Variants in ABCG4 observed in about 807,000 individuals in gnomAD.
ABCG4 encodes the protein ATP binding cassette subfamily G member 4.
A neutral mutation model predicts 64.6 loss-of-function variants in ABCG4; 35 were observed. The ratio of observed to expected loss-of-function variants is 0.54; its 90% CI spans 0.41 to 0.72. The LOEUF is 0.72. Ranked by LOEUF, ABCG4 falls within the 30% of genes least tolerant of loss-of-function variation. ABCG4 has a pLI of 0.00. For synonymous variants in ABCG4, 326 were observed against 348.2 expected (o/e 0.94, Z 0.71); for missense variants, 610 against 846.3 (o/e 0.72, Z 3.46).
In ABCG4 at chr11:119,160,856, C is replaced by T; in HGVS notation, c.1716-25C>T. 1 of 1,605,960 alleles carries T rather than the reference C, an allele frequency of 6.2e-7. No individual in the cohort carries two copies. The highest frequency in any genetic ancestry group is 8.5e-7 in the Non-Finnish European group (1 of 1,174,026). On this transcript the variant is annotated intron_variant, in intron 14 of 14. Transcript: ENST00000619701. The surrounding 1 kb of genome is among the most constrained non-coding windows in gnomAD (Gnocchi z 4.6). ...GAGCAGGGACCCTGTGTGCTGTATC[C>T]CATCTGATATCCCTGCCTGCCTAGG...
Position 119,149,920 on chromosome 11 carries a change from T to C in ABCG4, c.-12-34T>C, listed in dbSNP as rs767408403. 5 of 1,574,624 alleles carry C rather than the reference T, an allele frequency of 3.2e-6. No homozygotes were observed. The African/African-American group carries it at 4.1e-5, about 13-fold the overall frequency. On this transcript the variant is annotated intron_variant, in intron 1 of 14. Transcript: ENST00000619701. This position sits in a 1 kb window ranked among gnomAD's most constrained non-coding sequence, Gnocchi z 8.3. Reference sequence around the variant, plus strand: ...GGGAGCTTTGAGCCGGGCTCGGTGGTCTGCCCCAAACTGAGCAGGCCCTCC... The same window carrying C: ...GGGAGCTTTGAGCCGGGCTCGGTGGCCTGCCCCAAACTGAGCAGGCCCTCC...
rs781139493 is a variant in ABCG4, at chr11:119,154,835, TG to T, written c.608del (p.Gly203AlafsTer41). 1.2e-6 allele frequency: 2 copies of T among 1,613,970 alleles called. No homozygotes were observed. The highest frequency in any genetic ancestry group is 1.7e-6 in the Non-Finnish European group (2 of 1,179,922). ...CSHTRTALLSGGQRKRLAIAL... is the reference protein window; with the variant it reads ...CSHTRTALLSXGQRKRLAIAL... The stretch of plus-strand genomic sequence containing the variant: ...CCCACACGAGGACAGCCCTGCTCTC[TG>T]GCGGGCAGAGGAAGCGTCTGGCCAT... On this transcript the variant is annotated frameshift_variant, in exon 6 of 15. Transcript: ENST00000619701. LOFTEE classifies it high-confidence loss of function. This position sits in a 1 kb window ranked among gnomAD's most constrained non-coding sequence, Gnocchi z 7.0.
chr11:119,161,017 A>C lies in ABCG4; in HGVS notation c.1852A>C (p.Met618Leu). 6.2e-7 allele frequency: 1 copy of C among 1,614,028 alleles called. No individual in the cohort carries two copies. The highest frequency in any genetic ancestry group is 8.5e-7 in the Non-Finnish European group (1 of 1,179,964). ...ALDVEDAKLYMDFLVLGIFFL... is the reference protein window; with the variant it reads ...ALDVEDAKLYLDFLVLGIFFL... Reference sequence around the variant, plus strand: ...GGATGTGGAGGATGCCAAGCTCTACATGGACTTCCTGGTCTTGGGCATCTT... The same window carrying C: ...GGATGTGGAGGATGCCAAGCTCTACCTGGACTTCCTGGTCTTGGGCATCTT... Residue 618 changes from methionine to leucine, a missense_variant, in exon 15 of 15, where the codon ATG becomes CTG. Coordinates refer to ENST00000619701, the MANE Select transcript of ABCG4 (RefSeq NM_022169.5).
At position 119,150,480 on chromosome 11, in the gene ABCG4, C is replaced by A. The variant is rs1948181715; in HGVS notation, c.238+277C>A. 1.3e-5 allele frequency among the ~76,000 whole-genome samples: 2 copies of A among 152,152 alleles called. No homozygotes were observed. Among genetic ancestry groups the A allele is most frequent in the Non-Finnish European group, 2.9e-5 (2 of 68,014 alleles). ...CGTGACCTCTGGTCCTTGAGTGGTC[C>A]TTGATGAGTTTTCCTTCTTTTGTTT... On this transcript the variant is annotated intron_variant, in intron 2 of 14. Coordinates refer to ENST00000619701, the MANE Select transcript of ABCG4 (RefSeq NM_022169.5). This position sits in a 1 kb window ranked among gnomAD's most constrained non-coding sequence, Gnocchi z 4.3.
chr11:119,154,201 G>A lies in ABCG4; in HGVS notation c.356+58G>A, dbSNP rs1240490709. 6.2e-7 allele frequency: 1 copy of A among 1,613,092 alleles called. No individual in the cohort carries two copies. Among genetic ancestry groups the A allele is most frequent in the Non-Finnish European group, 8.5e-7 (1 of 1,179,200 alleles). ...GACTCAGGAAGAAGTATCCCTTGGG[G>A]AACACAGAAGGTATTCTGAAAGGGC... On this transcript the variant is annotated intron_variant, in intron 3 of 14. Coordinates refer to ENST00000619701, the MANE Select transcript of ABCG4 (RefSeq NM_022169.5). This position sits in a 1 kb window ranked among gnomAD's most constrained non-coding sequence, Gnocchi z 7.0.
rs75454390 is a variant in ABCG4, at chr11:119,152,473, G to A, written c.239-1553G>A. 6.0e-3 allele frequency among the ~76,000 whole-genome samples: 913 copies of A among 152,172 alleles called. 12 individuals are homozygous for A. The highest frequency in any genetic ancestry group is 0.019 in the African/African-American group (773 of 41,500). On this transcript the variant is annotated intron_variant, in intron 2 of 14. Coordinates refer to ENST00000619701, the MANE Select transcript of ABCG4 (RefSeq NM_022169.5). ...GCCATCCCTTCACTGTCTCCACTAA[G>A]GACACTAAGGAGGTGGAGTGGGGAG...
Position 119,156,221 on chromosome 11 carries a change from T to A in ABCG4, c.687-108T>A. The A allele has an allele frequency of 6.7e-7, 1 of 1,490,886 alleles. No homozygotes were observed. Among genetic ancestry groups the A allele is most frequent in the East Asian group, 2.3e-5 (1 of 44,050 alleles). The allele number at this position is 1,490,886 out of a possible 1,614,324, so 92.4% of individuals were successfully genotyped here. A position where few individuals can be genotyped will look rare whatever the true frequency, so the allele number is the denominator to read the frequency against. ...GGATACAGATGCGGCCAGAGTGCCC[T>A]CTTCCTGCCAGCTTCATCCCCTTCA... On this transcript the variant is annotated intron_variant, in intron 6 of 14. Transcript: ENST00000619701. This position sits in a 1 kb window ranked among gnomAD's most constrained non-coding sequence, Gnocchi z 5.5.
In ABCG4 at chr11:119,154,132, G is replaced by A. The variant is rs1172648808; in HGVS notation, c.345G>A (p.Leu115=). The change falls in exon 3 of 15, where the codon TTG becomes TTA. Residue 115 remains leucine (L), a synonymous_variant. Coordinates refer to ENST00000619701, the MANE Select transcript of ABCG4 (RefSeq NM_022169.5). The surrounding 1 kb of genome is among the most constrained non-coding windows in gnomAD (Gnocchi z 7.0). ...GAGKSTFMNI[L]AGYRESGMKG... ...GCAAGTCTACATTCATGAACATCTT[G>A]GCAGGATACAGGTAAGGAAGAGACT... The A allele has an allele frequency of 1.2e-6, 2 of 1,614,132 alleles. No individual in the cohort carries two copies. Among genetic ancestry groups the A allele is most frequent in the Non-Finnish European group, 1.7e-6 (2 of 1,180,006 alleles).
At chr11:119,151,118 G>A (rs911866797) in intron 2 of ABCG4, among the ~76,000 whole-genome samples, 1 of 152,262 alleles carries the variant, frequency 6.6e-6, no homozygotes, top group Admixed American at 6.5e-5. Flanking sequence ...GGAAACTGAG[G>A]CATCTGGGCT....
At position 119,158,853 on chromosome 11, in the gene ABCG4, T is replaced by C. The variant is rs967325139; in HGVS notation, c.1361T>C (p.Met454Thr). 2 of 1,614,082 alleles carry C rather than the reference T, an allele frequency of 1.2e-6. No homozygotes were observed. Among genetic ancestry groups the C allele is most frequent in the African/African-American group, 1.3e-5 (1 of 74,918 alleles). The part of the protein sequence containing the change: ...LTFPLEMAVF[M>T]REHLNYWYSL... ...GTCCCCTTAGAGATGGCGGTCTTCA[T>C]GAGGGAGCACCTCAACTACTGGTAC... The change falls in exon 12 of 15, where the codon ATG (methionine) becomes ACG (threonine). Residue 454 changes from methionine (M) to threonine (T), a missense_variant. Met to Thr is a moderately conservative substitution (Grantham distance 81). Transcript: ENST00000619701. The surrounding 1 kb of genome is among the most constrained non-coding windows in gnomAD (Gnocchi z 4.5).
At position 119,154,223 on chromosome 11, in the gene ABCG4, G is replaced by C. The variant is rs765593850; in HGVS notation, c.357-37G>C. On this transcript the variant is annotated intron_variant, in intron 3 of 14. Transcript: ENST00000619701. This position sits in a 1 kb window ranked among gnomAD's most constrained non-coding sequence, Gnocchi z 7.0. ...GGGGAACACAGAAGGTATTCTGAAA[G>C]GGCATTGACCCCCATCCTCAACCCA... The C allele has an allele frequency of 1.2e-6, 2 of 1,613,140 alleles. No individual in the cohort carries two copies. The highest frequency in any genetic ancestry group is 1.7e-6 in the Non-Finnish European group (2 of 1,179,134).
intron 2 of ABCG4, among the ~76,000 whole-genome samples, chr11:119,152,111 C>T (rs1274906452): frequency 2.0e-5 from 3 of 152,230 alleles, no homozygotes; most frequent in Non-Finnish European, 4.4e-5. Flanking sequence ...CTGTGAGTGG[C>T]TCTGAAAGGC....
rs776965085 is a variant in ABCG4, at chr11:119,154,892, C to T, written c.663C>T (p.Val221=). The part of the protein sequence containing the change: ...IALELVNNPP[V]MFFDEPTSGL... ...TGGAGCTGGTCAACAACCCGCCTGT[C>T]ATGTTCTTTGATGAGCCCACCAGGT... is the stretch of plus-strand genomic sequence containing the variant. The change falls in exon 6 of 15, where the codon GTC becomes GTT. Residue 221 remains valine (V), a synonymous_variant. Transcript: ENST00000619701. This position sits in a 1 kb window ranked among gnomAD's most constrained non-coding sequence, Gnocchi z 7.0. 2 of 1,613,010 alleles carry T rather than the reference C, an allele frequency of 1.2e-6. No homozygotes were observed. The highest frequency in any genetic ancestry group is 1.7e-6 in the Non-Finnish European group (2 of 1,179,048).
Position 119,154,977 on chromosome 11 carries a change from G to A in ABCG4, c.686+62G>A. The A allele has an allele frequency of 2.6e-6, 4 of 1,548,396 alleles. No individual in the cohort carries two copies. The highest frequency in any genetic ancestry group is 3.5e-6 in the Non-Finnish European group (4 of 1,141,026). On this transcript the variant is annotated intron_variant, in intron 6 of 14. Transcript: ENST00000619701. This position sits in a 1 kb window ranked among gnomAD's most constrained non-coding sequence, Gnocchi z 7.0. ...CTCCTCTCGGCCCTGAGCCAGGGCT[G>A]GAGGCTGCATCTTCTCCATGATCCA...
intron 2 of ABCG4, chr11:119,153,278 T>G (rs1201486642): frequency 6.5e-6 from 1 of 153,420 alleles, no homozygotes; most frequent in Non-Finnish European, 1.5e-5. Flanking sequence ...AGCCAGAATT[T>G]GAACCCAGAT....
intron 12 of ABCG4, among the ~76,000 whole-genome samples, chr11:119,159,915 T>C (rs1948321436): frequency 6.6e-6 from 1 of 151,876 alleles, no homozygotes; most frequent in African/African-American, 2.4e-5. Context: ...GAGAGTTAAT[T>C]ACTTAACAAT....
In ABCG4 at chr11:119,158,128, C is replaced by A. The variant is rs1447188139; in HGVS notation, c.1069-106C>A. 2.3e-6 allele frequency: 2 copies of A among 878,790 alleles called. No homozygotes were observed. Among genetic ancestry groups the A allele is most frequent in the East Asian group, 2.5e-5 (1 of 40,662 alleles). 54.4% of individuals were successfully genotyped at this position (878,790 alleles called of 1,614,324 possible). ...CAAGATTCTCTGTAGACCTGGAGGA[C>A]CCCTACCCTGGGGAAGAGCTCTGAG... On this transcript the variant is annotated intron_variant, in intron 9 of 14. Coordinates refer to ENST00000619701, the MANE Select transcript of ABCG4 (RefSeq NM_022169.5). The surrounding 1 kb of genome is among the most constrained non-coding windows in gnomAD (Gnocchi z 4.5).
Position 119,150,407 on chromosome 11 carries a change from G to T in ABCG4, c.238+204G>T, listed in dbSNP as rs529485397. On this transcript the variant is annotated intron_variant, in intron 2 of 14. Transcript: ENST00000619701. This position sits in a 1 kb window ranked among gnomAD's most constrained non-coding sequence, Gnocchi z 4.3. Reference sequence around the variant, plus strand: ...TCCCCCACACCTGTGAGCACCATGGGATACTAGGTGCAATTGGTTATTGAA... The same window carrying T: ...TCCCCCACACCTGTGAGCACCATGGTATACTAGGTGCAATTGGTTATTGAA... 3.8e-4 allele frequency among the ~76,000 whole-genome samples: 58 copies of T among 152,298 alleles called. No homozygotes were observed. The highest frequency in any genetic ancestry group is 1.4e-3 in the African/African-American group (57 of 41,556).
rs575183692 is a variant in ABCG4 at position 119,159,876 on chromosome 11, T to C, written c.1438-351T>C. On this transcript the variant is annotated intron_variant, in intron 12 of 14. Transcript: ENST00000619701. ...ACCCTGCCCCCTAGGAGTTGGTAGCTCATGGGGGAACAAAATGGCTCTCCT... is the reference window on the plus strand; with the variant it reads ...ACCCTGCCCCCTAGGAGTTGGTAGCCCATGGGGGAACAAAATGGCTCTCCT... Among the ~76,000 whole-genome samples the C allele has an allele frequency of 2.0e-5, 3 of 152,068 alleles. No individual in the cohort carries two copies. The South Asian group carries it at 6.2e-4, about 32-fold the overall frequency.
Sources: gnomAD v4.1 joint callset for allele counts (sites outside exome capture counted in the v4.1 genomes callset) on GRCh38, gnomAD v4.1.1 for gene constraint, Gnocchi (gnomAD v3.1) non-coding constraint, MANE v1.5 for transcripts, NCBI Gene and HGNC (gene_info 2026-07-23, HGNC 2026-07-21) for gene names.